RAG1: variants seen among roughly 807,000 people sequenced by gnomAD.
RAG1 encodes recombination activating 1.
In RAG1, 35 loss-of-function variants were observed where a neutral mutation model predicts 62.7. That is an observed-to-expected ratio of 0.56 (90% CI 0.43 to 0.74). The LOEUF (loss-of-function observed/expected upper bound fraction) is 0.74. Ranked by LOEUF, RAG1 falls within the 30% of genes least tolerant of loss-of-function variation. The probability of loss-of-function intolerance (pLI) is 0.00; values close to 1 mark genes in which losing one functional copy is unlikely to be tolerated. For synonymous variants in RAG1, 461 were observed against 470.3 expected (o/e 0.98, Z 0.26); for missense variants, 1,169 against 1,278.6 (o/e 0.91, Z 1.31).
intron 2 of RAG1, among the ~76,000 whole-genome samples, chr11:36,524,464 G>A (rs1860127876): frequency 6.6e-6 from 1 of 150,862 alleles, no homozygotes; most frequent in Admixed American, 6.6e-5. Flanking sequence ...TAAATATGTA[G>A]TTATATCTCA....
intron 2 of RAG1, among the ~76,000 whole-genome samples, chr11:36,532,642 A>G (rs1272536027): frequency 1.3e-5 from 2 of 152,176 alleles, no homozygotes; most frequent in East Asian, 3.8e-4. Context: ...TAAATTGCAC[A>G]CTGTTCTGAG....
At position 36,576,557 on chromosome 11, in the gene RAG1, T is replaced by A. The variant is rs1393428960; in HGVS notation, c.*121T>A. 1.6e-6 allele frequency: 2 copies of A among 1,240,640 alleles called. No homozygotes were observed. The highest frequency in any genetic ancestry group is 3.7e-5 in the Admixed American group (2 of 53,664). The allele number at this position is 1,240,640 out of a possible 1,614,324, so 76.9% of individuals were successfully genotyped here. ...GCTTCACCATCCAAGAGGTGGTAGG[T>A]TGGAGTAAGATGCTACAGATGCTCT... On this transcript the variant is annotated 3_prime_UTR_variant, in exon 2 of 2. Transcript: ENST00000299440.
chr11:36,567,768 A>T (rs1324468629), upstream of RAG1, among the ~76,000 whole-genome samples: 1 of 152,180 alleles, frequency 6.6e-6, no homozygotes, highest in Non-Finnish European at 1.5e-5. Flanking sequence ...GACTGACAAG[A>T]CCATTTCCAA....
At chr11:36,561,574 G>A (rs1850584215) in intron 3 of RAG1, among the ~76,000 whole-genome samples, 1 of 152,116 alleles carries the variant, frequency 6.6e-6, no homozygotes, top group African/African-American at 2.4e-5. Flanking sequence ...CTATTCGACT[G>A]AGTAAAGCCC....
intron 1 of RAG1, among the ~76,000 whole-genome samples, chr11:36,572,038 C>G (rs770523805): frequency 3.5e-4 from 54 of 152,320 alleles, no homozygotes; most frequent in Non-Finnish European, 4.6e-4. Flanking sequence ...CTCCGTACCT[C>G]CTAATCCCAC....
chr11:36,527,890 T>C (rs61877428), intron 2 of RAG1, among the ~76,000 whole-genome samples: 23,589 of 152,062 alleles, frequency 0.16, 1,917 homozygotes, highest in Admixed American at 0.2. Context: ...TATTGGTGTA[T>C]TGGGATGCTC....
chr11:36,539,341 T>G (rs1030399820), downstream of RAG1, among the ~76,000 whole-genome samples: 1 of 152,194 alleles, frequency 6.6e-6, no homozygotes, highest in Non-Finnish European at 1.5e-5. Flanking sequence ...CCTCTGGAAG[T>G]GTCAGAAATA....
At chr11:36,526,929 G>T (rs1410732298) in intron 2 of RAG1, among the ~76,000 whole-genome samples, 1 of 152,102 alleles carries the variant, frequency 6.6e-6, no homozygotes, top group East Asian at 1.9e-4. Flanking sequence ...TGATGGGGTT[G>T]TTTCTCTTTT....
intron 3 of RAG1, among the ~76,000 whole-genome samples, chr11:36,558,517 T>C (rs1850535076): frequency 1.3e-5 from 2 of 152,190 alleles, no homozygotes; most frequent in Admixed American, 1.3e-4. Context: ...TATCATTATA[T>C]AATGGTGCCA....
chr11:36,547,537 A>C (rs2133270631), intron 3 of RAG1, among the ~76,000 whole-genome samples: 1 of 152,292 alleles, frequency 6.6e-6, no homozygotes, highest in East Asian at 1.9e-4. Context: ...GAAATGGATA[A>C]ATTCATGGAC....
chr11:36,567,368 G>A (rs529643737), upstream of RAG1: 20 of 152,334 alleles, frequency 1.3e-4, no homozygotes, highest in Admixed American at 3.3e-4. Context: ...TGCAGGTGAT[G>A]AGATTGAAGT....
intron 1 of RAG1, among the ~76,000 whole-genome samples, chr11:36,518,543 T>C (rs1860029623): frequency 6.6e-6 from 1 of 152,234 alleles, no homozygotes; most frequent in African/African-American, 2.4e-5. Context: ...CTAACAGGTG[T>C]GAGATGGTAT....
rs1850831333 is a variant in RAG1, at chr11:36,575,522, G to C, written c.2218G>C (p.Ala740Pro). The change falls in exon 2 of 2, where the codon GCC (alanine) becomes CCC (proline). Residue 740 changes from alanine (A) to proline (P), a missense_variant. Physicochemically the swap from Ala to Pro is conservative, Grantham distance 27. This residue lies in a region of RAG1 where 800 missense variants were observed against 943.3 expected (regional missense o/e 0.85). Coordinates refer to ENST00000299440, the MANE Select transcript of RAG1 (RefSeq NM_000448.3). The surrounding 1 kb of genome is among the most constrained non-coding windows in gnomAD (Gnocchi z 4.1). ...CTLCDATRLE[A>P]SQNLVFHSIT... is the part of the protein sequence containing the mutation. ...TCTTTGTGATGCCACCCGTCTGGAA[G>C]CCTCTCAAAATCTTGTCTTCCACTC... is the stretch of plus-strand genomic sequence containing the variant. The C allele has an allele frequency of 6.2e-7, 1 of 1,614,222 alleles. No homozygotes were observed. The highest frequency in any genetic ancestry group is 2.2e-5 in the East Asian group (1 of 44,882).
At position 36,520,278 on chromosome 11, in the gene RAG1, T is replaced by A. The variant is rs1271153968; in HGVS notation, n.428+49T>A. 6 of 152,348 alleles carry A rather than the reference T, an allele frequency of 3.9e-5. No homozygotes were observed. The East Asian group carries it at 1.2e-3, about 29-fold the overall frequency. The allele number at this position is 152,348 out of a possible 1,614,324, so 9.4% of individuals were successfully genotyped here. ...GATAAAGGCTATTTATTTTTTAATT[T>A]TTTTTTTTTAGACAAAGTCTTGCTC... On this transcript the variant is annotated intron_variant and non_coding_transcript_variant, in intron 2 of 2. Transcript: ENST00000529126.
chr11:36,541,513 G>A (rs1031476980), intron 3 of RAG1, among the ~76,000 whole-genome samples: 1 of 152,114 alleles, frequency 6.6e-6, no homozygotes, highest in Non-Finnish European at 1.5e-5. Context: ...TAGGCCTTTT[G>A]ACACTTCTGT....
intron 2 of RAG1, among the ~76,000 whole-genome samples, chr11:36,533,266 G>C (rs1462898295): frequency 1.3e-5 from 2 of 152,162 alleles, no homozygotes. Context: ...TTGAGTACTC[G>C]TAAATAAGAT....
chr11:36,519,881 A>G (rs67008751), intron 1 of RAG1, among the ~76,000 whole-genome samples: 4,515 of 152,354 alleles, frequency 0.03, 107 homozygotes, highest in Middle Eastern at 0.054. Flanking sequence ...TAGTCATGTT[A>G]CAGAAGATTA....
At chr11:36,540,320 A>G (rs902745858), downstream of RAG1, among the ~76,000 whole-genome samples, 13 of 152,224 alleles carry the variant, frequency 8.5e-5, no homozygotes, top group African/African-American at 1.9e-4. Context: ...TCACTTGCCA[A>G]TTGAAGCTTG....
intron 2 of RAG1, among the ~76,000 whole-genome samples, chr11:36,531,060 G>GT (rs35275143): frequency 6.6e-6 from 1 of 151,504 alleles, no homozygotes; most frequent in South Asian, 2.1e-4. Flanking sequence ...TAGATTAAGG[G>GT]TTTTTTTTTG....
Sources: allele counts gnomAD v4.1 joint callset (sites outside exome capture counted in the v4.1 genomes callset), GRCh38; gene constraint gnomAD v4.1.1; regional missense constraint gnomAD v4.1.1; non-coding constraint Gnocchi (gnomAD v3.1); transcripts MANE v1.5; gene names NCBI Gene and HGNC (gene_info 2026-07-23, HGNC 2026-07-21).